TICAM1: variants seen among roughly 807,000 people sequenced by gnomAD.
TICAM1 encodes TIR domain containing adaptor molecule 1, also known as TIR domain-containing adapter molecule 1.
For synonymous variants in TICAM1, 439 were observed against 415.4 expected (o/e 1.06, Z -0.69); for missense variants, 895 against 938.2 (o/e 0.95, Z 0.60).
chr19:4,826,094 C>G (rs1367568486), intron 1 of TICAM1, among the ~76,000 whole-genome samples: 5 of 150,602 alleles, frequency 3.3e-5, no homozygotes, highest in African/African-American at 1.2e-4. Context: ...CCAGGAGAAT[C>G]AAGGCTGCAG....
chr19:4,816,551 A>C lies in TICAM1; in HGVS notation c.1827T>G (p.Phe609Leu), dbSNP rs545638589. The C allele has an allele frequency of 8.1e-6, 13 of 1,609,298 alleles. No homozygotes were observed. The East Asian group carries it at 2.7e-4, about 33-fold the overall frequency. ...TGAPYGARMP[F>L]GGQVPLGAPP... Reference sequence around the variant, plus strand: ...GGGCTCCCAGGGGCACCTGGCCCCCAAAGGGCATTCGAGCCCCATAGGGCG... The same window carrying C: ...GGGCTCCCAGGGGCACCTGGCCCCCCAAGGGCATTCGAGCCCCATAGGGCG... The change falls in exon 2 of 2, where the codon TTT (phenylalanine) becomes TTG (leucine). Residue 609 changes from phenylalanine (F) to leucine (L), a missense_variant. Physicochemically the swap from Phe to Leu is conservative, Grantham distance 22. Coordinates refer to ENST00000248244, the MANE Select transcript of TICAM1 (RefSeq NM_182919.4). This position sits in a 1 kb window ranked among gnomAD's most constrained non-coding sequence, Gnocchi z 4.3.
rs760042063 is a variant in TICAM1 at position 4,816,504 on chromosome 19, G to A, written c.1874C>T (p.Pro625Leu). 1.1e-5 allele frequency: 17 copies of A among 1,582,764 alleles called. No individual in the cohort carries two copies. Among genetic ancestry groups the A allele is most frequent in the East Asian group, 8.9e-5 (4 of 44,700 alleles). Residue 625 changes from proline (P) to leucine (L), a missense_variant, in exon 2 of 2, where the codon CCG becomes CTG. Coordinates refer to ENST00000248244, the MANE Select transcript of TICAM1 (RefSeq NM_182919.4). This position sits in a 1 kb window ranked among gnomAD's most constrained non-coding sequence, Gnocchi z 4.3. Reference protein sequence around the residue: ...LGAPPPFPTWPGCPQPPPLHA... With the variant: ...LGAPPPFPTWLGCPQPPPLHA... ...CAGGGGTGGCGGCTGCGGGCACCCC[G>A]GCCAAGTGGGAAAGGGTGGCGGGGC...
chr19:4,821,213 A>C (rs1248100049), intron 1 of TICAM1, among the ~76,000 whole-genome samples: 1 of 151,626 alleles, frequency 6.6e-6, no homozygotes, highest in African/African-American at 2.4e-5. Context: ...AAAAAAAGTA[A>C]TTTTTTCAGC....
chr19:4,821,578 G>T (rs974987682), intron 1 of TICAM1, among the ~76,000 whole-genome samples: 1 of 151,356 alleles, frequency 6.6e-6, no homozygotes, highest in Non-Finnish European at 1.5e-5. Flanking sequence ...CATGTTTTTG[G>T]TTAAGCCTGT....
In TICAM1 at chr19:4,818,444, C is replaced by G; in HGVS notation, c.-67G>C. 6.7e-7 allele frequency: 1 copy of G among 1,495,542 alleles called. No homozygotes were observed. Among genetic ancestry groups the G allele is most frequent in the South Asian group, 1.4e-5 (1 of 72,440 alleles). 92.6% of individuals were successfully genotyped at this position (1,495,542 alleles called of 1,614,324 possible). A position where few individuals can be genotyped will look rare whatever the true frequency, so the allele number is the denominator to read the frequency against. ...TGGTGAAGGCATGTTCCACACTGCC[C>G]CCCGCCTTCTGCACGCCCAGTGTCC... On this transcript the variant is annotated 5_prime_UTR_variant, in exon 2 of 2. Transcript: ENST00000248244. This position sits in a 1 kb window ranked among gnomAD's most constrained non-coding sequence, Gnocchi z 4.0.
intron 1 of TICAM1, among the ~76,000 whole-genome samples, chr19:4,824,865 C>T (rs779258013): frequency 6.6e-6 from 1 of 151,474 alleles, no homozygotes; most frequent in East Asian, 2.0e-4. Context: ...CCCAAGAAGT[C>T]GAGGCTGGAG....
Position 4,817,323 on chromosome 19 carries a change from G to A in TICAM1, c.1055C>T (p.Thr352Ile), listed in dbSNP as rs1178964015. 1 of 1,613,940 alleles carries A rather than the reference G, an allele frequency of 6.2e-7. No individual in the cohort carries two copies. Among genetic ancestry groups the A allele is most frequent in the South Asian group, 1.1e-5 (1 of 91,082 alleles). Reference sequence around the variant, plus strand: ...AGGGGATGTTTCTGGGGTGGTGGGAGTAGGTGGGCACGGCTTGGTATTTGG... The same window carrying A: ...AGGGGATGTTTCTGGGGTGGTGGGAATAGGTGGGCACGGCTTGGTATTTGG... The part of the protein sequence containing the change: ...TSPNTKPCPP[T>I]PTTPETSPPP... Residue 352 changes from threonine (T) to isoleucine (I), a missense_variant, in exon 2 of 2, where the codon ACT becomes ATT. Coordinates refer to ENST00000248244, the MANE Select transcript of TICAM1 (RefSeq NM_182919.4). This position sits in a 1 kb window ranked among gnomAD's most constrained non-coding sequence, Gnocchi z 4.7.
At chr19:4,829,347 C>A (rs539934058) in intron 1 of TICAM1, among the ~76,000 whole-genome samples, 1 of 52,966 alleles carries the variant, frequency 1.9e-5, no homozygotes, top group Non-Finnish European at 5.3e-5. Flanking sequence ...TTCTCTCTGC[C>A]CCCCCGGGCC....
In TICAM1 at chr19:4,816,045, C is replaced by G. The variant is rs369860727; in HGVS notation, c.*194G>C. 1.0e-5 allele frequency: 8 copies of G among 776,784 alleles called. No individual in the cohort carries two copies. The East Asian group carries it at 1.3e-4, about 13-fold the overall frequency. The allele number at this position is 776,784 out of a possible 1,614,324, so 48.1% of individuals were successfully genotyped here. On this transcript the variant is annotated 3_prime_UTR_variant, in exon 2 of 2. Coordinates refer to ENST00000248244, the MANE Select transcript of TICAM1 (RefSeq NM_182919.4). This position sits in a 1 kb window ranked among gnomAD's most constrained non-coding sequence, Gnocchi z 4.3. The stretch of plus-strand genomic sequence containing the variant: ...TTGTAAACACCGTATCCAGTTCTGA[C>G]CACCCTGAAAGCCAGGGCATCATCG...
intron 1 of TICAM1, among the ~76,000 whole-genome samples, chr19:4,824,387 T>G (rs954185332): frequency 7.7e-5 from 11 of 142,448 alleles, no homozygotes. Flanking sequence ...CAGGCCGGAG[T>G]GCAGTGACGC....
At position 4,817,647 on chromosome 19, in the gene TICAM1, G is replaced by T; in HGVS notation, c.731C>A (p.Pro244His). ...PQASLVPEPVPGGCQEPEEMS... is the reference protein window; with the variant it reads ...PQASLVPEPVHGGCQEPEEMS... ...CTCCTCAGGCTCCTGGCAGCCACCG[G>T]GGACAGGCTCGGGCACCAAGCTGGC... The change falls in exon 2 of 2, where the codon CCC becomes CAC. Residue 244 changes from proline (P) to histidine (H), a missense_variant. Pro to His is a moderately conservative substitution (Grantham distance 77). Transcript: ENST00000248244. The surrounding 1 kb of genome is among the most constrained non-coding windows in gnomAD (Gnocchi z 4.7). 6.3e-7 allele frequency: 1 copy of T among 1,584,500 alleles called. No homozygotes were observed.
chr19:4,822,790 C>G (rs1206175710), intron 1 of TICAM1, among the ~76,000 whole-genome samples: 3 of 152,148 alleles, frequency 2.0e-5, no homozygotes, highest in African/African-American at 2.4e-5. Context: ...GATCACACAG[C>G]TAGTGACTGA....
intron 1 of TICAM1, among the ~76,000 whole-genome samples, chr19:4,819,573 T>C (rs2093593717): frequency 6.6e-6 from 1 of 152,140 alleles, no homozygotes; most frequent in African/African-American, 2.4e-5. Flanking sequence ...GCTCAATACA[T>C]GCTTGCTAAA....
At position 4,817,511 on chromosome 19, in the gene TICAM1, A is replaced by G; in HGVS notation, c.867T>C (p.Asp289=). The change falls in exon 2 of 2, where the codon GAT becomes GAC. Residue 289 remains aspartate, a synonymous_variant. Coordinates refer to ENST00000248244, the MANE Select transcript of TICAM1 (RefSeq NM_182919.4). The surrounding 1 kb of genome is among the most constrained non-coding windows in gnomAD (Gnocchi z 4.7). ...TGCTGGTTTCTGGAGCTGCGGGGGT[A>G]TCAGGGAGGCCAGTGGAGGTTGCAT... ...APDATSTGLP[D]TPAAPETSTN... is the part of the protein sequence containing the mutation. 1.2e-6 allele frequency: 2 copies of G among 1,613,872 alleles called. No homozygotes were observed. Among genetic ancestry groups the G allele is most frequent in the Non-Finnish European group, 1.7e-6 (2 of 1,179,934 alleles).
In TICAM1 at chr19:4,817,288, G is replaced by A. The variant is rs753132678; in HGVS notation, c.1090C>T (p.Pro364Ser). Reference sequence around the variant, plus strand: ...CAAGGAGTAGATGAAGGAGGAGGAGGAGGAGGAGGAGGGGATGTTTCTGGG... The same window carrying A: ...CAAGGAGTAGATGAAGGAGGAGGAGAAGGAGGAGGAGGGGATGTTTCTGGG... ...TTPETSPPPP[P>S]PPPSSTPCSA... Residue 364 changes from proline (P) to serine (S), a missense_variant, in exon 2 of 2, where the codon CCT becomes TCT. Physicochemically the swap from Pro to Ser is moderately conservative, Grantham distance 74. Transcript: ENST00000248244. The surrounding 1 kb of genome is among the most constrained non-coding windows in gnomAD (Gnocchi z 4.7). 2 of 1,613,520 alleles carry A rather than the reference G, an allele frequency of 1.2e-6. No individual in the cohort carries two copies. Among genetic ancestry groups the A allele is most frequent in the Non-Finnish European group, 1.7e-6 (2 of 1,179,744 alleles).
intron 1 of TICAM1, 24 bp downstream of exon 1, chr19:4,831,590 C>G (rs543112098): frequency 1.3e-5 from 2 of 152,598 alleles, no homozygotes; most frequent in African/African-American, 4.8e-5. Flanking sequence ...ACCTCAGGCC[C>G]GTCCTCGCCC....
At chr19:4,828,516 A>G (rs2093609121) in intron 1 of TICAM1, among the ~76,000 whole-genome samples, 1 of 149,548 alleles carries the variant, frequency 6.7e-6, no homozygotes, top group African/African-American at 2.5e-5. Context: ...CCCAGCCTAC[A>G]TGTCAGTAAA....
rs1260265211 is a variant in TICAM1 at position 4,817,593 on chromosome 19, G to A, written c.785C>T (p.Ala262Val). Residue 262 changes from alanine (A) to valine (V), a missense_variant, in exon 2 of 2, where the codon GCC becomes GTC. Coordinates refer to ENST00000248244, the MANE Select transcript of TICAM1 (RefSeq NM_182919.4). The surrounding 1 kb of genome is among the most constrained non-coding windows in gnomAD (Gnocchi z 4.7). ...EMSWPPSGEI[A>V]SPPELPSSPP... Reference sequence around the variant, plus strand: ...GCTGCTTGGCAGCTCTGGTGGGCTGGCAATCTCCCCCGATGGCGGCCAGCT... The same window carrying A: ...GCTGCTTGGCAGCTCTGGTGGGCTGACAATCTCCCCCGATGGCGGCCAGCT... The A allele has an allele frequency of 6.2e-7, 1 of 1,607,040 alleles. No individual in the cohort carries two copies. The highest frequency in any genetic ancestry group is 1.1e-5 in the South Asian group (1 of 90,446).
chr19:4,817,095 CAGA>C lies in TICAM1; in HGVS notation c.1280_1282del (p.Phe427del). ...GCGCCCCGGCACCTGGAAATCCTCG[CAGA>C]AGGTGGCCCCGTCGGGCACGCCAAG... On this transcript the variant is annotated inframe_deletion, in exon 2 of 2. Transcript: ENST00000248244. The surrounding 1 kb of genome is among the most constrained non-coding windows in gnomAD (Gnocchi z 4.7). The C allele has an allele frequency of 6.2e-7, 1 of 1,614,138 alleles. No individual in the cohort carries two copies. Among genetic ancestry groups the C allele is most frequent in the Non-Finnish European group, 8.5e-7 (1 of 1,180,030 alleles).
Sources: allele counts gnomAD v4.1 joint callset (sites outside exome capture counted in the v4.1 genomes callset), GRCh38; gene constraint gnomAD v4.1.1; non-coding constraint Gnocchi (gnomAD v3.1); transcripts MANE v1.5; gene names NCBI Gene and HGNC (gene_info 2026-07-23, HGNC 2026-07-21).